SPAG16: variants seen among roughly 807,000 people sequenced by gnomAD.
SPAG16 encodes sperm-associated antigen 16 protein.
In SPAG16, 86 loss-of-function variants were observed where a neutral mutation model predicts 80.4. That is an observed-to-expected ratio of 1.07 (90% CI 0.90 to 1.28). The LOEUF (loss-of-function observed/expected upper bound fraction) is 1.28. Among genes scored for constraint, SPAG16 ranks in the 50% most tolerant of loss-of-function variants. The pLI, the probability that SPAG16 is intolerant of heterozygous loss-of-function variation, is 0.00. For missense variants in SPAG16, 870 were observed against 765.3 expected (o/e 1.14, Z -1.61); for synonymous variants, 294 against 265.9 (o/e 1.11, Z -1.03).
At chr2:213,849,719 A>C (rs948069679) in intron 10 of SPAG16, among the ~76,000 whole-genome samples, 1 of 152,070 alleles carries the variant, frequency 6.6e-6, no homozygotes, top group Non-Finnish European at 1.5e-5. Flanking sequence ...TAGAAAAGAG[A>C]TTTTTCATGT....
chr2:213,559,853 CT>C (rs1268591647), intron 10 of SPAG16, among the ~76,000 whole-genome samples: 29 of 151,990 alleles, frequency 1.9e-4, no homozygotes, highest in Admixed American at 1.5e-3. Context: ...TTCTACATTA[CT>C]TTTAATGATT....
At chr2:214,106,978 C>T (rs2053417026) in intron 13 of SPAG16, among the ~76,000 whole-genome samples, 2 of 151,992 alleles carry the variant, frequency 1.3e-5, no homozygotes, top group Admixed American at 1.3e-4. Flanking sequence ...AACTCCCTTA[C>T]TATACTTTCA....
intron 10 of SPAG16, among the ~76,000 whole-genome samples, chr2:213,752,212 GTCT>G (rs1217015641): frequency 6.6e-6 from 1 of 152,086 alleles, no homozygotes; most frequent in Non-Finnish European, 1.5e-5. Flanking sequence ...TAAGGACTTT[GTCT>G]TCTTAACCTT....
At chr2:213,974,948 T>TAAA (rs569021815) in intron 12 of SPAG16, among the ~76,000 whole-genome samples, 3,973 of 116,222 alleles carry the variant, frequency 0.034, 225 homozygotes, top group African/African-American at 0.12. Flanking sequence ...AAGATGTCGT[T>TAAA]AAAAAAAAAA....
At chr2:214,359,260 A>G (rs1699016740) in intron 15 of SPAG16, among the ~76,000 whole-genome samples, 1 of 152,004 alleles carries the variant, frequency 6.6e-6, no homozygotes, top group South Asian at 2.1e-4. Flanking sequence ...TAGAGAAGTT[A>G]ATTTTTCAAG....
chr2:213,368,289 A>G (rs1412822257), intron 8 of SPAG16, among the ~76,000 whole-genome samples: 1 of 152,144 alleles, frequency 6.6e-6, no homozygotes, highest in Non-Finnish European at 1.5e-5. Flanking sequence ...TTGGATCCAT[A>G]TGAACTTTAA....
chr2:213,700,109 G>T (rs1000521216), intron 10 of SPAG16, among the ~76,000 whole-genome samples: 3 of 151,910 alleles, frequency 2.0e-5, no homozygotes, highest in Non-Finnish European at 4.4e-5. Context: ...GTGTATACAT[G>T]CATGTAATAC....
intron 10 of SPAG16, among the ~76,000 whole-genome samples, chr2:213,577,556 G>A (rs1664818843): frequency 6.6e-6 from 1 of 152,050 alleles, no homozygotes; most frequent in African/African-American, 2.4e-5. Context: ...CTGTACTGGG[G>A]CTTCTAAAAA....
intron 10 of SPAG16, among the ~76,000 whole-genome samples, chr2:213,531,296 T>C (rs1385339574): frequency 6.6e-6 from 1 of 152,092 alleles, no homozygotes; most frequent in Non-Finnish European, 1.5e-5. Context: ...TAAAATCTAG[T>C]GCATAACCTA....
intron 14 of SPAG16, among the ~76,000 whole-genome samples, chr2:214,121,904 G>A (rs1274654568): frequency 6.6e-6 from 1 of 151,750 alleles, no homozygotes; most frequent in African/African-American, 2.4e-5. Context: ...ATTACATTAT[G>A]TATATGCAAA....
chr2:214,356,352 T>C (rs1377591517), intron 15 of SPAG16, among the ~76,000 whole-genome samples: 2 of 151,858 alleles, frequency 1.3e-5, no homozygotes, highest in Non-Finnish European at 2.9e-5. Context: ...CTACATAGGA[T>C]TGCATGCAAG....
At chr2:213,586,852 A>G (rs1207874540) in intron 10 of SPAG16, among the ~76,000 whole-genome samples, 2 of 152,222 alleles carry the variant, frequency 1.3e-5, no homozygotes, top group African/African-American at 4.8e-5. Flanking sequence ...TAAGTCCAGA[A>G]TAATAAAGCT....
intron 10 of SPAG16, among the ~76,000 whole-genome samples, chr2:213,554,644 C>CA (rs1228301752): frequency 6.6e-6 from 1 of 150,980 alleles, no homozygotes; most frequent in Admixed American, 6.6e-5. Context: ...TAATAAGCAA[C>CA]AAAAATGATA....
At chr2:213,350,918 G>A (rs1408561465) in intron 7 of SPAG16, among the ~76,000 whole-genome samples, 2 of 151,172 alleles carry the variant, frequency 1.3e-5, no homozygotes, top group East Asian at 1.9e-4. Flanking sequence ...GCGGCCAGGA[G>A]TTTGAGACCA....
At chr2:214,149,094 T>TATATAC (rs1553515470) in intron 14 of SPAG16, 46 bp from the exon 15 acceptor site, 6 of 706,164 alleles carry the variant, frequency 8.5e-6, no homozygotes, top group South Asian at 2.2e-5. Context: ...TATATATATA[T>TATATAC]ATACATACAT....
chr2:213,824,623 T>C (rs2073157724), intron 10 of SPAG16, among the ~76,000 whole-genome samples: 1 of 152,202 alleles, frequency 6.6e-6, no homozygotes, highest in South Asian at 2.1e-4. Flanking sequence ...GCCAGTACCA[T>C]GCTGTTTTGG....
rs557410971 is a variant in SPAG16, at chr2:213,486,932, A to T, written c.943-3031A>T. Among the ~76,000 whole-genome samples the T allele has an allele frequency of 4.6e-5, 7 of 152,228 alleles. No homozygotes were observed. In the East Asian group the frequency reaches 1.3e-3, roughly 29 times the overall value. On this transcript the variant is annotated intron_variant, in intron 9 of 15. Transcript: ENST00000331683. Reference sequence around the variant, plus strand: ...TTATTAAGAATTTAATGAACATGTTAGGTGACTAACGTGATGAATGCTTTG... The same window carrying T: ...TTATTAAGAATTTAATGAACATGTTTGGTGACTAACGTGATGAATGCTTTG...
intron 10 of SPAG16, among the ~76,000 whole-genome samples, chr2:213,805,808 A>C (rs1226806308): frequency 6.6e-6 from 1 of 152,218 alleles, no homozygotes; most frequent in East Asian, 1.9e-4. Flanking sequence ...ACTTGCTCAG[A>C]GTTCAAACTA....
At chr2:213,867,697 C>T (rs763745312) in intron 11 of SPAG16, among the ~76,000 whole-genome samples, 2 of 151,590 alleles carry the variant, frequency 1.3e-5, no homozygotes, top group Non-Finnish European at 2.9e-5. Flanking sequence ...CCGAGGCGGG[C>T]GGATCATGAG....
Sources: gnomAD v4.1 joint callset for allele counts (sites outside exome capture counted in the v4.1 genomes callset) on GRCh38, gnomAD v4.1.1 for gene constraint, MANE v1.5 for transcripts, NCBI Gene and HGNC (gene_info 2026-07-23, HGNC 2026-07-21) for gene names.